The following KCNH5 variants were observed in gnomAD, a reference collection of about 807,000 sequenced individuals.
KCNH5 encodes potassium voltage-gated channel subfamily H member 5.
A neutral mutation model predicts 96.1 loss-of-function variants in KCNH5; 46 were observed. The ratio of observed to expected loss-of-function variants is 0.48; its 90% CI spans 0.38 to 0.61. The LOEUF is 0.61. KCNH5 is among the 20% of genes least tolerant of loss of function. The pLI is 0.00. For synonymous variants in KCNH5, 439 were observed against 449.8 expected (o/e 0.98, Z 0.30); for missense variants, 907 against 1,225.8 (o/e 0.74, Z 3.88).
chr14:62,776,979 C>T (rs1024009118), intron 10 of KCNH5, among the ~76,000 whole-genome samples: 1 of 152,176 alleles, frequency 6.6e-6, no homozygotes, highest in African/African-American at 2.4e-5. Context: ...AACCTGCTCC[C>T]TTACTTAGTA....
intron 10 of KCNH5, among the ~76,000 whole-genome samples, chr14:62,751,021 G>A (rs1422560970): frequency 2.0e-5 from 3 of 152,052 alleles, no homozygotes; most frequent in African/African-American, 7.2e-5. Flanking sequence ...ATGATCTAGG[G>A]TGCCTGTGGG....
intron 1 of KCNH5, among the ~76,000 whole-genome samples, chr14:63,040,598 T>C (rs1309074024): frequency 1.3e-5 from 2 of 152,190 alleles, no homozygotes; most frequent in Non-Finnish European, 2.9e-5. Context: ...AGAAAAAATG[T>C]CAATAACTTT....
At chr14:62,925,668 A>G (rs934498487) in intron 7 of KCNH5, among the ~76,000 whole-genome samples, 1 of 152,098 alleles carries the variant, frequency 6.6e-6, no homozygotes, top group Non-Finnish European at 1.5e-5. Flanking sequence ...TACATTCCCA[A>G]TAAGCAGCCA....
chr14:62,802,431 C>CT lies in KCNH5; in HGVS notation c.1719_1720insA (p.Gly574ArgfsTer28), dbSNP rs766912404. 6.2e-7 allele frequency: 1 copy of CT among 1,614,092 alleles called. No individual in the cohort carries two copies. The highest frequency in any genetic ancestry group is 1.1e-5 in the South Asian group (1 of 91,084). ...TCTCCAGCATGGTAAATGAGGTCCC[C>CT]GGGAGCACAGTGAATGGTTTGGAAC... On this transcript the variant is annotated frameshift_variant, in exon 9 of 11. Coordinates refer to ENST00000322893, the MANE Select transcript of KCNH5 (RefSeq NM_139318.5). LOFTEE classifies it high-confidence loss of function.
intron 8 of KCNH5, among the ~76,000 whole-genome samples, chr14:62,816,885 A>G (rs147262456): frequency 6.6e-6 from 1 of 151,322 alleles, no homozygotes; most frequent in Admixed American, 6.6e-5. Flanking sequence ...CCCATCTTCA[A>G]GTTCACAGAT....
intron 3 of KCNH5, among the ~76,000 whole-genome samples, chr14:63,003,546 T>TTTATATACATA (rs1891060766): frequency 3.5e-5 from 4 of 112,764 alleles, no homozygotes; most frequent in African/African-American, 1.2e-4. Context: ...ATATATTATA[T>TTTATATACATA]ATAGTATATA....
chr14:62,840,644 C>G (rs1221465810), intron 8 of KCNH5, among the ~76,000 whole-genome samples: 1 of 130,232 alleles, frequency 7.7e-6, no homozygotes, highest in Non-Finnish European at 1.6e-5. Context: ...AATTTTGGCT[C>G]ACTGCAAACT....
chr14:63,035,262 T>A (rs140064429), intron 1 of KCNH5, among the ~76,000 whole-genome samples: 177 of 152,342 alleles, frequency 1.2e-3, no homozygotes, highest in Non-Finnish European at 1.9e-3. Context: ...TCTTTGAAGT[T>A]ACCCTTTAAT....
intron 7 of KCNH5, among the ~76,000 whole-genome samples, chr14:62,851,451 T>C (rs1488620120): frequency 6.6e-6 from 1 of 150,754 alleles, no homozygotes; most frequent in Admixed American, 6.6e-5. Flanking sequence ...GAGATCTTGA[T>C]TCTATAAAGA....
chr14:62,872,340 G>A (rs1414380023), intron 7 of KCNH5, among the ~76,000 whole-genome samples: 3 of 152,168 alleles, frequency 2.0e-5, no homozygotes, highest in Non-Finnish European at 4.4e-5. Flanking sequence ...ATGTTAAGGA[G>A]CAAGAATTAA....
At chr14:62,986,708 T>C (rs539109761) in intron 5 of KCNH5, among the ~76,000 whole-genome samples, 7 of 152,314 alleles carry the variant, frequency 4.6e-5, no homozygotes, top group African/African-American at 1.7e-4. Flanking sequence ...AACTCCTTGA[T>C]GACAGGGCCC....
chr14:62,731,184 C>T (rs1274127192), intron 10 of KCNH5, among the ~76,000 whole-genome samples: 1 of 151,846 alleles, frequency 6.6e-6, no homozygotes, highest in Non-Finnish European at 1.5e-5. Context: ...GCCTATAATC[C>T]CAGCTACTTG....
At chr14:62,859,869 T>A (rs1426566350) in intron 7 of KCNH5, among the ~76,000 whole-genome samples, 1 of 152,110 alleles carries the variant, frequency 6.6e-6, no homozygotes, top group East Asian at 1.9e-4. Flanking sequence ...TGTAAACTGA[T>A]CATAGGGAAC....
chr14:62,801,608 T>C (rs1263547101), intron 9 of KCNH5, among the ~76,000 whole-genome samples: 1 of 151,790 alleles, frequency 6.6e-6, no homozygotes, highest in African/African-American at 2.4e-5. Context: ...CTTTTATTGT[T>C]GTGGTTGTGG....
At position 62,969,243 on chromosome 14, in the gene KCNH5, G is replaced by C. The variant is rs189207708; in HGVS notation, c.942+11629C>G. Among the ~76,000 whole-genome samples, 6 of 152,214 alleles carry C rather than the reference G, an allele frequency of 3.9e-5. No homozygotes were observed. The East Asian group carries it at 1.2e-3, about 29-fold the overall frequency. On this transcript the variant is annotated intron_variant, in intron 6 of 10. Coordinates refer to ENST00000322893, the MANE Select transcript of KCNH5 (RefSeq NM_139318.5). Reference sequence around the variant, plus strand: ...TGAAAATACAATTTAACAATGCGTAGGATAGGAGATCACAAAATCAGTGCT... The same window carrying C: ...TGAAAATACAATTTAACAATGCGTACGATAGGAGATCACAAAATCAGTGCT...
chr14:62,830,634 C>T (rs990928627), intron 8 of KCNH5, among the ~76,000 whole-genome samples: 1 of 148,902 alleles, frequency 6.7e-6, no homozygotes, highest in Non-Finnish European at 1.5e-5. Context: ...AGGAAACCAC[C>T]CCCCGATCCA....
chr14:62,748,050 G>T (rs1885416049), intron 10 of KCNH5, among the ~76,000 whole-genome samples: 2 of 152,126 alleles, frequency 1.3e-5, no homozygotes, highest in South Asian at 4.1e-4. Flanking sequence ...ACAGGAAAGG[G>T]GTCCCGATCC....
intron 9 of KCNH5, among the ~76,000 whole-genome samples, chr14:62,796,910 G>T (rs1296981623): frequency 6.6e-6 from 1 of 152,132 alleles, no homozygotes; most frequent in Admixed American, 6.5e-5. Flanking sequence ...TACACAAATG[G>T]TTGCATTCTT....
intron 8 of KCNH5, among the ~76,000 whole-genome samples, chr14:62,839,709 T>C (rs926464160): frequency 1.3e-5 from 2 of 152,210 alleles, no homozygotes; most frequent in African/African-American, 4.8e-5. Context: ...ATTATTAATT[T>C]ATTTAATGAG....
Sources: allele counts gnomAD v4.1 joint callset (sites outside exome capture counted in the v4.1 genomes callset), GRCh38; gene constraint gnomAD v4.1.1; transcripts MANE v1.5; gene names NCBI Gene and HGNC (gene_info 2026-07-23, HGNC 2026-07-21).